IQCJ: variants seen among roughly 807,000 people sequenced by gnomAD.
IQCJ encodes IQ domain-containing protein J.
In IQCJ, 9 loss-of-function variants were observed where a neutral mutation model predicts 11.0. The ratio of observed to expected loss-of-function variants is 0.82; its 90% confidence interval spans 0.49 to 1.43. The LOEUF is 1.43. Ranked by LOEUF, IQCJ falls within the 40% of genes most tolerant of loss-of-function variation. The probability of loss-of-function intolerance (pLI) is 0.00; values close to 1 mark genes in which losing one functional copy is unlikely to be tolerated. For synonymous variants in IQCJ, 55 were observed against 51.3 expected, an observed-to-expected ratio of 1.07 and a Z score of -0.31; for missense variants, 146 against 133.2, an observed-to-expected ratio of 1.10 and a Z score of -0.47.
intron 1 of IQCJ, among the ~76,000 whole-genome samples, chr3:159,155,847 A>G (rs1249118662): frequency 6.6e-6 from 1 of 152,208 alleles, no homozygotes; most frequent in Non-Finnish European, 1.5e-5. Context: ...TGGCTTTTAA[A>G]CATAATGCAT....
intron 1 of IQCJ, among the ~76,000 whole-genome samples, chr3:159,175,350 A>C (rs1402743614): frequency 6.6e-6 from 1 of 152,200 alleles, no homozygotes; most frequent in Non-Finnish European, 1.5e-5. Context: ...GCATGCTTGT[A>C]GTCCCAGCTA....
intron 1 of IQCJ, among the ~76,000 whole-genome samples, chr3:159,145,512 T>C (rs1325122357): frequency 6.6e-6 from 1 of 152,042 alleles, no homozygotes; most frequent in Non-Finnish European, 1.5e-5. Flanking sequence ...TGAGTGTGAG[T>C]TGTAAAAAAA....
At chr3:159,243,924 TG>T (rs937513675) in intron 1 of IQCJ, among the ~76,000 whole-genome samples, 6 of 152,142 alleles carry the variant, frequency 3.9e-5, no homozygotes, top group Non-Finnish European at 8.8e-5. Flanking sequence ...ATTTTGAAAG[TG>T]GGGTCAATAA....
chr3:159,225,465 G>A (rs1009233161), intron 1 of IQCJ, among the ~76,000 whole-genome samples: 14 of 152,138 alleles, frequency 9.2e-5, no homozygotes, highest in Non-Finnish European at 2.1e-4. Flanking sequence ...GATCGTAGTA[G>A]TTGTTAGCCA....
intron 1 of IQCJ, among the ~76,000 whole-genome samples, chr3:159,240,244 A>C (rs1279285716): frequency 6.6e-6 from 1 of 152,166 alleles, no homozygotes; most frequent in Non-Finnish European, 1.5e-5. Context: ...TCATCTCTAT[A>C]TTTCTACCTA....
intron 1 of IQCJ, among the ~76,000 whole-genome samples, chr3:159,209,782 G>A (rs183591197): frequency 3.2e-4 from 49 of 152,178 alleles, no homozygotes; most frequent in African/African-American, 1.1e-3. Context: ...GTCCTGTAAG[G>A]GTGTCAGGGA....
chr3:159,080,238 T>C (rs1190782313), intron 1 of IQCJ, among the ~76,000 whole-genome samples: 4 of 152,084 alleles, frequency 2.6e-5, no homozygotes, highest in Admixed American at 6.6e-5. Flanking sequence ...TAATGGAAAA[T>C]GTAGAAATAA....
intron 3 of IQCJ, among the ~76,000 whole-genome samples, chr3:159,258,218 C>T (rs1056608395): frequency 1.3e-5 from 2 of 152,180 alleles, no homozygotes; most frequent in Admixed American, 6.5e-5. Context: ...CAGGTAGTTT[C>T]AGCTCTACTT....
intron 1 of IQCJ, among the ~76,000 whole-genome samples, chr3:159,211,227 A>T (rs537703201): frequency 2.0e-5 from 3 of 152,348 alleles, no homozygotes; most frequent in Admixed American, 1.3e-4. Flanking sequence ...AAATATGTGA[A>T]GTACACCGTT....
chr3:159,091,647 TACAC>T (rs111512204), intron 1 of IQCJ, among the ~76,000 whole-genome samples: 32,645 of 133,398 alleles, frequency 0.24, 4,452 homozygotes, highest in Non-Finnish European at 0.32. Flanking sequence ...AAGGGGTATT[TACAC>T]ACACACACAC....
At chr3:159,077,822 A>T (rs1298913591) in intron 1 of IQCJ, among the ~76,000 whole-genome samples, 1 of 152,150 alleles carries the variant, frequency 6.6e-6, no homozygotes, top group African/African-American at 2.4e-5. Flanking sequence ...AGTTATTTTT[A>T]AAAATAGTCA....
At chr3:159,093,591 T>C (rs147583153) in intron 1 of IQCJ, among the ~76,000 whole-genome samples, 1,867 of 151,708 alleles carry the variant, frequency 0.012, 23 homozygotes, top group Admixed American at 0.022. Context: ...GATGAGGAGG[T>C]AGAGGCTGGG....
rs145951749 is a variant in IQCJ, at chr3:159,074,382, T to C, written c.9+4941T>C. Among the ~76,000 whole-genome samples, 562 of 151,968 alleles carry C rather than the reference T, an allele frequency of 3.7e-3. 5 individuals are homozygous for C. Among genetic ancestry groups the C allele is most frequent in the Middle Eastern group, 0.027 (8 of 294 alleles). The stretch of plus-strand genomic sequence containing the variant: ...ATTAAAAGAAGACGTGAGGGGAAGA[T>C]AGTACTCAAAAGGGACTTAAACATT... On this transcript the variant is annotated intron_variant, in intron 1 of 3. Transcript: ENST00000397832.
At chr3:159,085,478 C>T (rs1716681383) in intron 1 of IQCJ, among the ~76,000 whole-genome samples, 1 of 151,400 alleles carries the variant, frequency 6.6e-6, no homozygotes. Context: ...TTCTAGATCC[C>T]TGAGGAATCG....
intron 1 of IQCJ, among the ~76,000 whole-genome samples, chr3:159,101,724 G>C (rs1444345835): frequency 6.6e-6 from 1 of 152,116 alleles, no homozygotes; most frequent in Admixed American, 6.5e-5. Flanking sequence ...TTGTGTTCAG[G>C]TTTCACCAGA....
chr3:159,252,697 G>A (rs1347803063), intron 2 of IQCJ, 30 bp from the exon 3 acceptor site: 1 of 1,596,466 alleles, frequency 6.3e-7, no homozygotes, highest in Non-Finnish European at 8.6e-7. Context: ...TCTGGATTGG[G>A]AGATATTGAG....
chr3:159,124,716 G>A (rs1020927965), intron 1 of IQCJ, among the ~76,000 whole-genome samples: 3 of 152,064 alleles, frequency 2.0e-5, no homozygotes, highest in Non-Finnish European at 2.9e-5. Flanking sequence ...TTTTGCAACC[G>A]TTGCAACACC....
At chr3:159,249,011 C>T (rs188466359) in intron 2 of IQCJ, among the ~76,000 whole-genome samples, 1 of 151,964 alleles carries the variant, frequency 6.6e-6, no homozygotes, top group Non-Finnish European at 1.5e-5. Context: ...TGCCTGCCAC[C>T]ACACCGGCTA....
chr3:159,116,241 GAGAAGA>G (rs1226917318), intron 1 of IQCJ, among the ~76,000 whole-genome samples: 1 of 151,648 alleles, frequency 6.6e-6, no homozygotes, highest in Non-Finnish European at 1.5e-5. Flanking sequence ...CTCAAAAAAA[GAGAAGA>G]AGGAGAAGGA....
Sources: gnomAD v4.1 joint callset for allele counts (sites outside exome capture counted in the v4.1 genomes callset) on GRCh38, gnomAD v4.1.1 for gene constraint, MANE v1.5 for transcripts, NCBI Gene and HGNC (gene_info 2026-07-23, HGNC 2026-07-21) for gene names.